Variants in UCHL3 observed in about 807,000 individuals in gnomAD.
UCHL3 encodes the protein ubiquitin carboxyl-terminal hydrolase isozyme L3.
Under a neutral mutation model 35.8 loss-of-function variants are expected in UCHL3, and 22 were observed. The observed-to-expected ratio is 0.61, with a 90% confidence interval of 0.44 to 0.88. The LOEUF (loss-of-function observed/expected upper bound fraction) is 0.88. Among genes scored for constraint, UCHL3 ranks in the 40% least tolerant of loss-of-function variants. The pLI, the probability that UCHL3 is intolerant of heterozygous loss-of-function variation, is 0.00. For missense variants in UCHL3, 229 were observed against 276.9 expected (o/e 0.83, Z 1.23); for synonymous variants, 90 against 92.8 (o/e 0.97, Z 0.17).
At chr13:75,558,007 C>G (rs771372005) in intron 2 of UCHL3, among the ~76,000 whole-genome samples, 1 of 147,382 alleles carries the variant, frequency 6.8e-6, no homozygotes, top group Admixed American at 6.8e-5. Flanking sequence ...TGACCCTCTT[C>G]TCTACCCTTT....
chr13:75,558,116 A>G (rs916649047), intron 2 of UCHL3, among the ~76,000 whole-genome samples: 1 of 152,174 alleles, frequency 6.6e-6, no homozygotes, highest in Admixed American at 6.5e-5. Context: ...TCAGGATCTA[A>G]CAATATATTC....
In UCHL3 at chr13:75,605,996, CTCTTT is replaced by C. The variant is rs2032935430; in HGVS notation, c.*189_*193del. 1 of 547,234 alleles carries C rather than the reference CTCTTT, an allele frequency of 1.8e-6. No homozygotes were observed. Among genetic ancestry groups the C allele is most frequent in the Non-Finnish European group, 3.2e-6 (1 of 309,492 alleles). The allele number at this position is 547,234 out of a possible 1,614,324, so 33.9% of individuals were successfully genotyped here. The stretch of plus-strand genomic sequence containing the variant: ...AGGTTAAAGGTGCAATGCTTTCCTC[CTCTTT>C]TCTTGTGAAGGATTTATCTTGTTTG... On this transcript the variant is annotated 3_prime_UTR_variant, in exon 9 of 9. Transcript: ENST00000377595.
At chr13:75,603,571 ATG>A (rs2032840054) in intron 7 of UCHL3, among the ~76,000 whole-genome samples, 2 of 152,202 alleles carry the variant, frequency 1.3e-5, no homozygotes, top group African/African-American at 4.8e-5. Flanking sequence ...TTTTGCCTTT[ATG>A]TAAACATTAA....
At chr13:75,573,801 A>AG (rs2031937676) in intron 6 of UCHL3, among the ~76,000 whole-genome samples, 1 of 152,202 alleles carries the variant, frequency 6.6e-6, no homozygotes. Context: ...TGAATTTGGC[A>AG]GGGGGGACAC....
rs567726127 is a variant in UCHL3, at chr13:75,581,709, TTA to T, written c.474+12203_474+12204del. On this transcript the variant is annotated intron_variant, in intron 6 of 8. Coordinates refer to ENST00000377595, the MANE Select transcript of UCHL3 (RefSeq NM_006002.5). ...GCTTTGTTTGATTTTTTTTTTTTTT[TTA>T]AGTCTGGATCATTTCTTTTTAGCCT... Among the ~76,000 whole-genome samples, 14 of 151,848 alleles carry T rather than the reference TTA, an allele frequency of 9.2e-5. No homozygotes were observed. In the South Asian group the frequency reaches 2.9e-3, roughly 32 times the overall value.
At chr13:75,559,030 CTTTTTTT>C (rs34100020) in intron 2 of UCHL3, among the ~76,000 whole-genome samples, 11 of 64,284 alleles carry the variant, frequency 1.7e-4, no homozygotes, top group Non-Finnish European at 2.5e-4. Flanking sequence ...GCCCCGGACT[CTTTTTTT>C]TTTTTTTTTT....
intron 7 of UCHL3, among the ~76,000 whole-genome samples, chr13:75,599,794 CCTG>C (rs2032731957): frequency 6.6e-6 from 1 of 152,134 alleles, no homozygotes; most frequent in African/African-American, 2.4e-5. Context: ...CCTACAAAGG[CCTG>C]TAAGCATTCA....
chr13:75,559,216 AT>A (rs1414617038), intron 2 of UCHL3, among the ~76,000 whole-genome samples: 1 of 151,344 alleles, frequency 6.6e-6, no homozygotes, highest in East Asian at 1.9e-4. Flanking sequence ...ATTTTTTTGT[AT>A]TTTTAGTAGA....
intron 6 of UCHL3, among the ~76,000 whole-genome samples, chr13:75,590,838 A>G (rs1364326072): frequency 1.3e-5 from 2 of 152,146 alleles, no homozygotes; most frequent in Non-Finnish European, 2.9e-5. Context: ...TTAAAAATAC[A>G]TTTTTCTTAT....
Position 75,549,879 on chromosome 13 carries a change from G to A in UCHL3, c.42+17G>A. On this transcript the variant is annotated intron_variant, in intron 1 of 8. Transcript: ENST00000377595. ...AATCCCGAGGTGGGCGCGCTTCGGG[G>A]CAGCCCTGGGCCGTGGGCAGGTGCA... 1.2e-6 allele frequency: 2 copies of A among 1,612,228 alleles called. No individual in the cohort carries two copies. The highest frequency in any genetic ancestry group is 4.5e-5 in the East Asian group (2 of 44,748).
intron 6 of UCHL3, among the ~76,000 whole-genome samples, chr13:75,580,183 C>A (rs1379924024): frequency 6.6e-6 from 1 of 152,086 alleles, no homozygotes; most frequent in Admixed American, 6.6e-5. Context: ...TGATATCTAT[C>A]CCATATTTAA....
intron 3 of UCHL3, among the ~76,000 whole-genome samples, chr13:75,561,447 G>C (rs1222363804): frequency 6.6e-6 from 1 of 151,602 alleles, no homozygotes; most frequent in Non-Finnish European, 1.5e-5. Flanking sequence ...ATAAAAATTT[G>C]GTTAGTTTGC....
intron 6 of UCHL3, among the ~76,000 whole-genome samples, chr13:75,574,282 A>AT (rs200631129): frequency 1.5e-3 from 226 of 150,448 alleles, no homozygotes; most frequent in Non-Finnish European, 2.6e-3. Context: ...GTCCTTCTGT[A>AT]TTTTTTTTTA....
At chr13:75,595,906 CTTA>C (rs1339583139) in intron 7 of UCHL3, among the ~76,000 whole-genome samples, 6 of 151,692 alleles carry the variant, frequency 4.0e-5, no homozygotes, top group African/African-American at 1.5e-4. Flanking sequence ...GTATACAATA[CTTA>C]TTATGACTTC....
intron 2 of UCHL3, among the ~76,000 whole-genome samples, chr13:75,556,940 G>A (rs2031311384): frequency 6.6e-6 from 1 of 152,212 alleles, no homozygotes; most frequent in African/African-American, 2.4e-5. Flanking sequence ...GATACACTGG[G>A]TTGAGTGCAG....
At chr13:75,590,557 G>A (rs2032455294) in intron 6 of UCHL3, among the ~76,000 whole-genome samples, 1 of 152,182 alleles carries the variant, frequency 6.6e-6, no homozygotes, top group South Asian at 2.1e-4. Context: ...TTCTGAGCAT[G>A]ACTTTAGTCT....
intron 6 of UCHL3, among the ~76,000 whole-genome samples, chr13:75,591,373 T>C (rs1386163267): frequency 6.6e-6 from 1 of 152,194 alleles, no homozygotes; most frequent in East Asian, 1.9e-4. Context: ...TATTTGTTGC[T>C]TCTCTACTGT....
chr13:75,570,116 G>A (rs1016781988), intron 6 of UCHL3, among the ~76,000 whole-genome samples: 4 of 152,070 alleles, frequency 2.6e-5, no homozygotes, highest in Non-Finnish European at 5.9e-5. Flanking sequence ...TTTGTCAGAA[G>A]GTATTTTAGT....
chr13:75,593,198 C>G (rs1566228591), intron 6 of UCHL3, among the ~76,000 whole-genome samples: 2 of 152,112 alleles, frequency 1.3e-5, no homozygotes, highest in South Asian at 2.1e-4. Flanking sequence ...AAGGAAGACT[C>G]TTTCCTAGGT....
Sources: gnomAD v4.1 joint callset for allele counts (sites outside exome capture counted in the v4.1 genomes callset) on GRCh38, gnomAD v4.1.1 for gene constraint, MANE v1.5 for transcripts, NCBI Gene and HGNC (gene_info 2026-07-23, HGNC 2026-07-21) for gene names.